BANK1: variants seen among roughly 807,000 people sequenced by gnomAD.
BANK1 encodes the protein B cell scaffold protein with ankyrin repeats 1.
Under a neutral mutation model 94.5 loss-of-function variants are expected in BANK1, and 95 were observed. That is an observed-to-expected ratio of 1.00 (90% CI 0.85 to 1.19). The LOEUF (loss-of-function observed/expected upper bound fraction) is 1.19, where lower values mean the gene tolerates loss of function less well. Ranked by LOEUF, BANK1 falls within the 50% of genes most tolerant of loss-of-function variation. BANK1 has a pLI of 0.00. For missense variants in BANK1, 987 were observed against 932.2 expected (o/e 1.06, Z -0.77); for synonymous variants, 334 against 308.4 (o/e 1.08, Z -0.87).
chr4:102,010,157 C>A (rs1044134287), intron 7 of BANK1, among the ~76,000 whole-genome samples: 23 of 151,564 alleles, frequency 1.5e-4, no homozygotes, highest in African/African-American at 5.6e-4. Context: ...CCCAGCTACT[C>A]GGGAGGCTGA....
intron 13 of BANK1, among the ~76,000 whole-genome samples, chr4:102,065,565 T>C (rs1728563598): frequency 6.6e-6 from 1 of 152,012 alleles, no homozygotes; most frequent in Non-Finnish European, 1.5e-5. Context: ...AACTGTAATC[T>C]TAATGAAGAA....
At chr4:102,018,145 T>C (rs1291853628) in intron 7 of BANK1, among the ~76,000 whole-genome samples, 2 of 152,204 alleles carry the variant, frequency 1.3e-5, no homozygotes, top group Non-Finnish European at 2.9e-5. Context: ...TTTATGGTTT[T>C]AGTATAACAT....
At chr4:102,050,311 A>T (rs1578479648) in intron 11 of BANK1, among the ~76,000 whole-genome samples, 1 of 152,294 alleles carries the variant, frequency 6.6e-6, no homozygotes, top group East Asian at 1.9e-4. Flanking sequence ...TTTGAAGGGT[A>T]AGTTTCTGTG....
chr4:101,903,928 G>A (rs1044190314), intron 6 of BANK1, among the ~76,000 whole-genome samples: 9 of 152,182 alleles, frequency 5.9e-5, no homozygotes, highest in Non-Finnish European at 1.2e-4. Flanking sequence ...CAAAACATTG[G>A]AGTAAAATTT....
chr4:102,010,904 C>T (rs930134470), intron 7 of BANK1, among the ~76,000 whole-genome samples: 2 of 152,110 alleles, frequency 1.3e-5, no homozygotes, highest in East Asian at 1.9e-4. Flanking sequence ...GTTCAAATAT[C>T]TAAACAGAAT....
At chr4:102,070,420 G>A (rs1484555185) in intron 13 of BANK1, among the ~76,000 whole-genome samples, 3 of 152,148 alleles carry the variant, frequency 2.0e-5, no homozygotes, top group Non-Finnish European at 4.4e-5. Context: ...GCCCCTGGAA[G>A]GTCATACTCC....
intron 1 of BANK1, among the ~76,000 whole-genome samples, chr4:101,828,433 G>T (rs1726454121): frequency 6.9e-6 from 1 of 145,436 alleles, no homozygotes; most frequent in South Asian, 2.2e-4. Context: ...CTACCACCTA[G>T]ATCAAGATAT....
intron 7 of BANK1, among the ~76,000 whole-genome samples, chr4:101,961,611 T>C (rs7666312): frequency 0.11 from 17,288 of 152,224 alleles, 1,510 homozygotes; most frequent in African/African-American, 0.25. Flanking sequence ...TATTATTTTT[T>C]AGTCGTTTAT....
intron 5 of BANK1, among the ~76,000 whole-genome samples, chr4:101,880,411 C>T (rs541292511): frequency 6.6e-6 from 1 of 151,854 alleles, no homozygotes; most frequent in South Asian, 2.1e-4. Flanking sequence ...AACTATAAAA[C>T]ACTGATGAAA....
At chr4:102,051,700 CT>C (rs1439079010) in intron 11 of BANK1, among the ~76,000 whole-genome samples, 1 of 152,138 alleles carries the variant, frequency 6.6e-6, no homozygotes, top group African/African-American at 2.4e-5. Context: ...TACCTCTCTG[CT>C]ACATAAATGT....
chr4:101,902,958 G>A (rs372118118), intron 6 of BANK1, among the ~76,000 whole-genome samples: 5 of 152,278 alleles, frequency 3.3e-5, no homozygotes, highest in East Asian at 1.9e-4. Flanking sequence ...GTATGAAATC[G>A]TAACTGAGTA....
chr4:101,872,933 A>G (rs114428505), intron 5 of BANK1, among the ~76,000 whole-genome samples: 4,847 of 151,876 alleles, frequency 0.032, 278 homozygotes, highest in African/African-American at 0.11. Flanking sequence ...GGTTGCAATG[A>G]GCTGAAATCA....
intron 1 of BANK1, among the ~76,000 whole-genome samples, chr4:101,800,465 G>T (rs541697244): frequency 6.6e-6 from 1 of 151,680 alleles, no homozygotes; most frequent in Non-Finnish European, 1.5e-5. Context: ...GAAAGCCTTG[G>T]TACAGTGTTG....
chr4:101,997,472 T>G (rs1051870563), intron 7 of BANK1, among the ~76,000 whole-genome samples: 1 of 152,220 alleles, frequency 6.6e-6, no homozygotes, highest in Non-Finnish European at 1.5e-5. Flanking sequence ...ACTCCCTCTT[T>G]TTCTATTGTG....
chr4:102,034,830 C>T (rs1445783209), intron 10 of BANK1, among the ~76,000 whole-genome samples: 1 of 152,120 alleles, frequency 6.6e-6, no homozygotes, highest in Non-Finnish European at 1.5e-5. Context: ...GGATTTGGAC[C>T]CAGATTAATC....
In BANK1 at chr4:101,918,106, A is replaced by G; in HGVS notation, c.1123A>G (p.Lys375Glu). 6.2e-7 allele frequency: 1 copy of G among 1,612,370 alleles called. No individual in the cohort carries two copies. The highest frequency in any genetic ancestry group is 1.7e-5 in the Admixed American group (1 of 59,846). ...AGGAGCAACCTGGGCATCTAAGATGAAAAATATGGAGGGTTCAGACCCCGC... is the reference window on the plus strand; with the variant it reads ...AGGAGCAACCTGGGCATCTAAGATGGAAAATATGGAGGGTTCAGACCCCGC... ...CSGATWASKM[K>E]NMEGSDPAHI... The change falls in exon 7 of 17, where the codon AAA becomes GAA. Residue 375 changes from lysine to glutamate, a missense_variant. By Grantham distance (56) the Lys-to-Glu change is moderately conservative. Transcript: ENST00000322953.
At chr4:102,051,367 T>G (rs886805615) in intron 11 of BANK1, among the ~76,000 whole-genome samples, 1 of 152,200 alleles carries the variant, frequency 6.6e-6, no homozygotes, top group Non-Finnish European at 1.5e-5. Flanking sequence ...GTTGTTAAAG[T>G]CATACCTTGA....
intron 5 of BANK1, among the ~76,000 whole-genome samples, chr4:101,882,075 A>G (rs567654950): frequency 6.6e-6 from 1 of 152,280 alleles, no homozygotes; most frequent in Admixed American, 6.5e-5. Context: ...AAAAAGTGTC[A>G]TGGGATTGTT....
intron 16 of BANK1, 110 bp downstream of exon 16, chr4:102,073,858 C>T (rs1011714866): frequency 1.3e-5 from 10 of 787,798 alleles, no homozygotes; most frequent in Non-Finnish European, 2.0e-5. Context: ...TCATTGTCTT[C>T]TCCTGAAAGG....
Sources: allele counts gnomAD v4.1 joint callset (sites outside exome capture counted in the v4.1 genomes callset), GRCh38; gene constraint gnomAD v4.1.1; transcripts MANE v1.5; gene names NCBI Gene and HGNC (gene_info 2026-07-23, HGNC 2026-07-21).